CCDC50: variants seen among roughly 807,000 people sequenced by gnomAD.
CCDC50 encodes the protein coiled-coil domain containing 50, also known as coiled-coil domain-containing protein 50.
In CCDC50, 54 loss-of-function variants were observed where a neutral mutation model predicts 70.2. The ratio of observed to expected loss-of-function variants is 0.77; its 90% CI spans 0.62 to 0.96. The LOEUF (loss-of-function observed/expected upper bound fraction) is 0.96, where lower values mean the gene tolerates loss of function less well. Ranked by LOEUF, CCDC50 falls within the 50% of genes least tolerant of loss-of-function variation. The probability of loss-of-function intolerance (pLI) is 0.00; values close to 1 mark genes in which losing one functional copy is unlikely to be tolerated. For missense variants in CCDC50, 558 were observed against 578.7 expected, an observed-to-expected ratio of 0.96 and a Z score of 0.37; for synonymous variants, 216 against 198.8, an observed-to-expected ratio of 1.09 and a Z score of -0.73.
intron 1 of CCDC50, among the ~76,000 whole-genome samples, chr3:191,342,670 T>C (rs1711772829): frequency 6.6e-6 from 1 of 152,208 alleles, no homozygotes; most frequent in African/African-American, 2.4e-5. Context: ...AACAGAGTAC[T>C]GGCTGCCAAA....
At chr3:191,366,821 C>T (rs965065304) in intron 4 of CCDC50, among the ~76,000 whole-genome samples, 2 of 151,870 alleles carry the variant, frequency 1.3e-5, no homozygotes, top group African/African-American at 4.8e-5. Flanking sequence ...AAGTGCTGTT[C>T]TAGACTTATC....
intron 3 of CCDC50, among the ~76,000 whole-genome samples, chr3:191,360,454 A>G (rs1712446388): frequency 3.3e-5 from 5 of 152,192 alleles, no homozygotes; most frequent in Admixed American, 3.3e-4. Flanking sequence ...CAGATTTTAC[A>G]TTAATTTGGG....
intron 11 of CCDC50, among the ~76,000 whole-genome samples, chr3:191,389,992 C>T (rs1228513950): frequency 6.6e-6 from 1 of 151,034 alleles, no homozygotes; most frequent in African/African-American, 2.4e-5. Context: ...TCCCAAGTAG[C>T]TGGGATTACA....
intron 3 of CCDC50, 28 bp downstream of exon 3, chr3:191,358,152 A>G (rs1712358180): frequency 6.2e-7 from 1 of 1,613,392 alleles, no homozygotes; most frequent in Non-Finnish European, 8.5e-7. Context: ...GGGAGGGGTG[A>G]TGCAAGACTG....
chr3:191,365,499 C>T (rs982656294), intron 4 of CCDC50, among the ~76,000 whole-genome samples: 4 of 151,984 alleles, frequency 2.6e-5, no homozygotes, highest in Non-Finnish European at 4.4e-5. Flanking sequence ...TTGAAGTCTT[C>T]CTCTCTTCTT....
Position 191,329,742 on chromosome 3 carries a change from G to A in CCDC50, c.49+19G>A. The A allele has an allele frequency of 2.5e-6, 4 of 1,605,672 alleles. No homozygotes were observed. Among genetic ancestry groups the A allele is most frequent in the Non-Finnish European group, 3.4e-6 (4 of 1,176,850 alleles). On this transcript the variant is annotated intron_variant, in intron 1 of 11. Transcript: ENST00000392455. ...AAGGAAGGTAAGGGCCCCGGAGGGA[G>A]AGCGCGCGGGACCCTCCCCTCTCCC... is the stretch of plus-strand genomic sequence containing the variant.
rs146773939 is a variant in CCDC50, at chr3:191,356,839, G to A, written c.50-249G>A. Among the ~76,000 whole-genome samples the A allele has an allele frequency of 6.6e-5, 10 of 152,282 alleles. 1 individual carries two copies. The East Asian group carries it at 1.9e-3, about 29-fold the overall frequency. ...TGATTCTGTAAATGTTCTCACCTCA[G>A]GCCAGGGGCCAAGGCTAACCAGTAT... On this transcript the variant is annotated intron_variant, in intron 1 of 11. Coordinates refer to ENST00000392455, the MANE Select transcript of CCDC50 (RefSeq NM_178335.3).
chr3:191,382,891 C>A, intron 10 of CCDC50, 66 bp downstream of exon 10: 2 of 1,169,776 alleles, frequency 1.7e-6, no homozygotes, highest in Non-Finnish European at 2.6e-6. Flanking sequence ...GATTTCAGTT[C>A]CCTAAGAAGA....
In CCDC50 at chr3:191,378,738, TG is replaced by T. The variant is rs201580022; in HGVS notation, c.977-1420del. On this transcript the variant is annotated intron_variant, in intron 6 of 11. Transcript: ENST00000392455. ...TCTTGGGACTATGCCACTGTTTTTT[TG>T]TTTGTTTGTTTGTTTGTTTTTGCTG... Among the ~76,000 whole-genome samples, 1,180 of 144,604 alleles carry T rather than the reference TG, an allele frequency of 8.2e-3. 11 individuals are homozygous for T. The highest frequency in any genetic ancestry group is 0.035 in the Middle Eastern group (10 of 284). The allele number at this position is 144,604 out of a possible 152,430, so 94.9% of individuals were successfully genotyped here.
chr3:191,370,693 T>G lies in CCDC50; in HGVS notation c.448+657T>G, dbSNP rs538090364. On this transcript the variant is annotated intron_variant, in intron 5 of 11. Transcript: ENST00000392455. ...TAGTAGAGGCGAGGTTTCACCATGT[T>G]GGCCAGGCTGGTCTTGAACTCCTGA... Among the ~76,000 whole-genome samples, 96 of 152,152 alleles carry G rather than the reference T, an allele frequency of 6.3e-4. 1 individual carries two copies. The highest frequency in any genetic ancestry group is 2.1e-3 in the African/African-American group (87 of 41,514).
At chr3:191,372,552 G>A (rs1712949003) in intron 5 of CCDC50, among the ~76,000 whole-genome samples, 1 of 152,020 alleles carries the variant, frequency 6.6e-6, no homozygotes, top group Non-Finnish European at 1.5e-5. Context: ...GTATGCCTTT[G>A]TATATCTATT....
rs1363622782 is a variant in CCDC50 at position 191,392,987 on chromosome 3, C to T, written c.*1227C>T. ...CCCTGACCTCAAGTGATCCACCTGC[C>T]TTGGCCTCCCAAGGTGCTGGGATTA... On this transcript the variant is annotated 3_prime_UTR_variant, in exon 12 of 12. Coordinates refer to ENST00000392455, the MANE Select transcript of CCDC50 (RefSeq NM_178335.3). The T allele has an allele frequency of 6.6e-6, 1 of 152,314 alleles. No homozygotes were observed. Among genetic ancestry groups the T allele is most frequent in the Non-Finnish European group, 1.5e-5 (1 of 68,126 alleles). 9.4% of individuals were successfully genotyped at this position (152,314 alleles called of 1,614,324 possible).
At chr3:191,331,692 T>A (rs1291516344) in intron 1 of CCDC50, among the ~76,000 whole-genome samples, 1 of 152,204 alleles carries the variant, frequency 6.6e-6, no homozygotes, top group Non-Finnish European at 1.5e-5. Flanking sequence ...AATGTCCTAC[T>A]AATGGTGGTG....
At position 191,357,093 on chromosome 3, in the gene CCDC50, C is replaced by T. The variant is rs749835299; in HGVS notation, c.55C>T (p.Arg19Ter). 9.3e-6 allele frequency: 15 copies of T among 1,610,188 alleles called. No homozygotes were observed. Among genetic ancestry groups the T allele is most frequent in the Non-Finnish European group, 1.2e-5 (14 of 1,176,906 alleles). Reference protein sequence around the residue: ...SKLPGVKEVCRDFAVLEDHTL... With the variant: ...SKLPGVKEVC ...TTTTCCTCCATCTACTCTAGTATGCCGAGATTTTGCTGTCCTGGAGGACCA... is the reference window on the plus strand; with the variant it reads ...TTTTCCTCCATCTACTCTAGTATGCTGAGATTTTGCTGTCCTGGAGGACCA... Residue 19 changes from arginine to a stop codon, truncating the protein, a stop_gained, in exon 2 of 12, where the codon CGA (arginine) becomes TGA (stop). Transcript: ENST00000392455. LOFTEE classifies it high-confidence loss of function.
At chr3:191,361,005 A>G in intron 3 of CCDC50, 64 bp from the exon 4 acceptor site, 4 of 1,098,382 alleles carry the variant, frequency 3.6e-6, no homozygotes, top group Non-Finnish European at 5.5e-6. Context: ...AATTGTATTT[A>G]TTACTTTTAG....
chr3:191,381,721 G>A (rs449398), intron 9 of CCDC50, among the ~76,000 whole-genome samples: 87,809 of 151,884 alleles, frequency 0.58, 27,063 homozygotes, highest in African/African-American at 0.81. Flanking sequence ...GAGAGAATTC[G>A]TACAATACAG....
At chr3:191,370,983 A>G (rs1243868376) in intron 5 of CCDC50, among the ~76,000 whole-genome samples, 1 of 152,182 alleles carries the variant, frequency 6.6e-6, no homozygotes, top group Non-Finnish European at 1.5e-5. Flanking sequence ...GAAGTCTGGA[A>G]AGTACTGTTT....
intron 6 of CCDC50, among the ~76,000 whole-genome samples, chr3:191,377,034 C>T (rs1713141082): frequency 6.6e-6 from 1 of 152,146 alleles, no homozygotes; most frequent in East Asian, 1.9e-4. Context: ...GACTCACAGG[C>T]TCCACTACTG....
intron 5 of CCDC50, among the ~76,000 whole-genome samples, chr3:191,374,284 A>G (rs1713011741): frequency 6.6e-6 from 1 of 152,160 alleles, no homozygotes; most frequent in South Asian, 2.1e-4. Context: ...TTTTTCTACA[A>G]AGAATACAAT....
Sources: allele counts gnomAD v4.1 joint callset (sites outside exome capture counted in the v4.1 genomes callset), GRCh38; gene constraint gnomAD v4.1.1; transcripts MANE v1.5; gene names NCBI Gene and HGNC (gene_info 2026-07-23, HGNC 2026-07-21).